Variants in ADCK1 observed in about 807,000 individuals in gnomAD.
The protein encoded by ADCK1 is aarF domain containing kinase 1.
Under a neutral mutation model 52.3 loss-of-function variants are expected in ADCK1, and 41 were observed. The ratio of observed to expected loss-of-function variants is 0.78; its 90% CI spans 0.61 to 1.02. ADCK1 has a LOEUF of 1.02. Ranked by LOEUF, ADCK1 falls within the 50% of genes least tolerant of loss-of-function variation. ADCK1 has a pLI of 0.00. For synonymous variants in ADCK1, 250 were observed against 274.6 expected (o/e 0.91, Z 0.89); for missense variants, 658 against 679.5 (o/e 0.97, Z 0.35).
chr14:77,816,574 A>G (rs927672523), intron 1 of ADCK1, among the ~76,000 whole-genome samples: 13 of 152,160 alleles, frequency 8.5e-5, no homozygotes, highest in Admixed American at 5.9e-4. Context: ...GCGCCTAGGG[A>G]AGTCCTGGAA....
At chr14:77,852,660 A>AAT (rs370053776) in intron 3 of ADCK1, among the ~76,000 whole-genome samples, 90 of 31,706 alleles carry the variant, frequency 2.8e-3, no homozygotes, top group Non-Finnish European at 4.1e-3. Context: ...TAAATAAATA[A>AAT]ATATATATAT....
intron 3 of ADCK1, among the ~76,000 whole-genome samples, chr14:77,836,690 T>A (rs754090366): frequency 6.6e-6 from 1 of 151,912 alleles, no homozygotes; most frequent in African/African-American, 2.4e-5. Context: ...CCTTTTCTGG[T>A]GGCACCAGGC....
chr14:77,822,072 A>C (rs1194227602), intron 2 of ADCK1, among the ~76,000 whole-genome samples: 1 of 152,184 alleles, frequency 6.6e-6, no homozygotes, highest in Non-Finnish European at 1.5e-5. Context: ...ATGGACAGGA[A>C]GGACAAGCCC....
At chr14:77,905,570 G>C (rs2083647581) in intron 6 of ADCK1, among the ~76,000 whole-genome samples, 1 of 151,942 alleles carries the variant, frequency 6.6e-6, no homozygotes, top group Admixed American at 6.6e-5. Context: ...GAGCCTTAGG[G>C]GCCCACTGTC....
intron 7 of ADCK1, among the ~76,000 whole-genome samples, chr14:77,916,499 G>A (rs971060209): frequency 6.6e-6 from 1 of 152,052 alleles, no homozygotes; most frequent in Non-Finnish European, 1.5e-5. Flanking sequence ...TCTCACCCAG[G>A]CTGTGGTGCA....
chr14:77,851,150 C>T (rs1477426386), intron 3 of ADCK1, among the ~76,000 whole-genome samples: 4 of 149,816 alleles, frequency 2.7e-5, no homozygotes, highest in African/African-American at 9.9e-5. Flanking sequence ...CAGAGTCTTG[C>T]TCTGTTGCCC....
chr14:77,933,552 CTG>C lies in ADCK1; in HGVS notation c.*164_*165del, dbSNP rs1380910133. 12 of 813,034 alleles carry C rather than the reference CTG, an allele frequency of 1.5e-5. No homozygotes were observed. Among genetic ancestry groups the C allele is most frequent in the Non-Finnish European group, 2.1e-5 (11 of 517,132 alleles). The allele number at this position is 813,034 out of a possible 1,614,324, so 50.4% of individuals were successfully genotyped here. A position where few individuals can be genotyped will look rare whatever the true frequency, so the allele number is the denominator to read the frequency against. The stretch of plus-strand genomic sequence containing the variant: ...CCTCCTTTGGAATCCTCTCCGCACA[CTG>C]TGGCCCTTGTCTCAGGGCCCACAAG... On this transcript the variant is annotated 3_prime_UTR_variant, in exon 11 of 11. Transcript: ENST00000238561.
chr14:77,913,912 C>T (rs1489091935), intron 7 of ADCK1, among the ~76,000 whole-genome samples: 1 of 147,086 alleles, frequency 6.8e-6, no homozygotes, highest in Non-Finnish European at 1.5e-5. Context: ...AGGTTCAGTC[C>T]CCTGTCCTTG....
chr14:77,823,384 C>G (rs11159291), intron 3 of ADCK1, among the ~76,000 whole-genome samples: 92,663 of 151,984 alleles, frequency 0.61, 29,129 homozygotes, highest in Middle Eastern at 0.7. Context: ...CTTTTCTTCT[C>G]AGTTTTCCTA....
At chr14:77,919,733 C>T (rs1325885347) in intron 7 of ADCK1, among the ~76,000 whole-genome samples, 1 of 152,194 alleles carries the variant, frequency 6.6e-6, no homozygotes, top group African/African-American at 2.4e-5. Context: ...TCACCACATC[C>T]ATGCCAATAT....
At chr14:77,816,540 A>C (rs2081454374) in intron 1 of ADCK1, among the ~76,000 whole-genome samples, 1 of 152,186 alleles carries the variant, frequency 6.6e-6, no homozygotes, top group Non-Finnish European at 1.5e-5. Flanking sequence ...ATAGCTGAGC[A>C]CTTGGAGATT....
At chr14:77,830,924 C>T (rs2081834871) in intron 3 of ADCK1, among the ~76,000 whole-genome samples, 2 of 152,110 alleles carry the variant, frequency 1.3e-5, no homozygotes, top group South Asian at 4.1e-4. Context: ...ATTTGGACTA[C>T]AAGTAATGGT....
intron 1 of ADCK1, among the ~76,000 whole-genome samples, chr14:77,811,210 GATAATA>G (rs2081332730): frequency 6.6e-6 from 1 of 151,924 alleles, no homozygotes; most frequent in Admixed American, 6.6e-5. Context: ...TGGGTGAGGA[GATAATA>G]ATAATGATAA....
intron 1 of ADCK1, among the ~76,000 whole-genome samples, chr14:77,804,496 A>T (rs752705163): frequency 2.0e-5 from 3 of 151,940 alleles, no homozygotes; most frequent in Admixed American, 2.0e-4. Context: ...CTTCGCTGTT[A>T]CTTCCCACCC....
At chr14:77,922,872 T>C (rs2084095519) in intron 7 of ADCK1, among the ~76,000 whole-genome samples, 1 of 152,166 alleles carries the variant, frequency 6.6e-6, no homozygotes, top group Non-Finnish European at 1.5e-5. Context: ...AAATTATAAT[T>C]GATTGGGATT....
chr14:77,881,613 T>G (rs2083026859), intron 4 of ADCK1, among the ~76,000 whole-genome samples: 1 of 152,228 alleles, frequency 6.6e-6, no homozygotes, highest in South Asian at 2.1e-4. Flanking sequence ...GGCATGTCAC[T>G]TCCATGCTTA....
rs540265140 is a variant in ADCK1 at position 77,898,087 on chromosome 14, G to T, written c.583-1013G>T. ...AACCTGGGCAACACAGTGAGACTCTGTCTCTACAAAAAAATTAAAAAAATT... is the reference window on the plus strand; with the variant it reads ...AACCTGGGCAACACAGTGAGACTCTTTCTCTACAAAAAAATTAAAAAAATT... On this transcript the variant is annotated intron_variant, in intron 5 of 10. Transcript: ENST00000238561. Among the ~76,000 whole-genome samples the T allele has an allele frequency of 1.2e-4, 19 of 152,260 alleles. No homozygotes were observed. In the South Asian group the frequency reaches 3.9e-3, roughly 32 times the overall value.
Position 77,849,159 on chromosome 14 carries a change from C to T in ADCK1, c.220-9917C>T, listed in dbSNP as rs190493815. Reference sequence around the variant, plus strand: ...GCATAATTATGGCTCACTGCAGCCTCAAACTCCTTGGCTCAGGGGATACTC... The same window carrying T: ...GCATAATTATGGCTCACTGCAGCCTTAAACTCCTTGGCTCAGGGGATACTC... On this transcript the variant is annotated intron_variant, in intron 3 of 10. Transcript: ENST00000238561. Among the ~76,000 whole-genome samples the T allele has an allele frequency of 5.7e-3, 874 of 152,274 alleles. 4 individuals carry two copies. The highest frequency in any genetic ancestry group is 9.5e-3 in the Non-Finnish European group (647 of 68,014).
intron 4 of ADCK1, among the ~76,000 whole-genome samples, chr14:77,866,906 C>T (rs888099599): frequency 6.6e-6 from 1 of 152,148 alleles, no homozygotes; most frequent in African/African-American, 2.4e-5. Flanking sequence ...GGGTCTGACT[C>T]CACCTGTGCC....
Sources: allele counts gnomAD v4.1 joint callset (sites outside exome capture counted in the v4.1 genomes callset), GRCh38; gene constraint gnomAD v4.1.1; transcripts MANE v1.5; gene names NCBI Gene and HGNC (gene_info 2026-07-23, HGNC 2026-07-21).